Variants in SOX6 observed in about 807,000 individuals in gnomAD.
SOX6 encodes the protein transcription factor SOX-6.
SOX6 carries 11 observed loss-of-function variants against 97.8 expected under a neutral mutation model. The observed-to-expected ratio is 0.11, with a 90% CI of 0.07 to 0.19. The LOEUF is 0.19. Ranked by LOEUF, SOX6 falls within the 10% of genes least tolerant of loss-of-function variation. The pLI, the probability that SOX6 is intolerant of heterozygous loss-of-function variation, is 1.00. For missense variants in SOX6, 810 were observed against 1,039.5 expected, an observed-to-expected ratio of 0.78 and a Z score of 3.04; for synonymous variants, 360 against 371.4, an observed-to-expected ratio of 0.97 and a Z score of 0.35.
rs1855211505 is a variant in SOX6, at chr11:16,300,039, T to G, written c.445+18407A>C. ...TTATGTTGTTTACACTGGAGGCAGT[T>G]TTCCACGAGCACTGCTCAGGGAGGA... On this transcript the variant is annotated intron_variant, in intron 3 of 15. Transcript: ENST00000683767. This position sits in a 1 kb window ranked among gnomAD's most constrained non-coding sequence, Gnocchi z 4.1. 6.6e-6 allele frequency among the ~76,000 whole-genome samples: 1 copy of G among 152,144 alleles called. No individual in the cohort carries two copies. The highest frequency in any genetic ancestry group is 1.5e-5 in the Non-Finnish European group (1 of 68,026).
At chr11:16,488,906 GT>G (rs1860473364) in intron 4 of SOX6, among the ~76,000 whole-genome samples, 1 of 152,116 alleles carries the variant, frequency 6.6e-6, no homozygotes, top group African/African-American at 2.4e-5. Context: ...ATGTGCCCAA[GT>G]TTACAGGCAA....
chr11:16,239,374 T>C (rs1291887205), intron 3 of SOX6, among the ~76,000 whole-genome samples: 2 of 151,938 alleles, frequency 1.3e-5, no homozygotes, highest in Non-Finnish European at 2.9e-5. Flanking sequence ...GGAGTATAAA[T>C]AGAGGCTGTT....
chr11:16,704,425 A>G (rs540911900), intron 3 of SOX6, among the ~76,000 whole-genome samples: 61 of 152,206 alleles, frequency 4.0e-4, no homozygotes, highest in Non-Finnish European at 8.1e-4. Context: ...TTATTAAAAA[A>G]AAAAGTATGT....
At chr11:16,558,881 C>T (rs1055755420) in intron 4 of SOX6, among the ~76,000 whole-genome samples, 5 of 152,042 alleles carry the variant, frequency 3.3e-5, no homozygotes, top group African/African-American at 1.2e-4. Flanking sequence ...TCTCACAGTG[C>T]TTACATTTGC....
At chr11:16,130,549 T>C (rs1849715194) in intron 6 of SOX6, among the ~76,000 whole-genome samples, 2 of 151,920 alleles carry the variant, frequency 1.3e-5, no homozygotes, top group African/African-American at 4.8e-5. Flanking sequence ...AAAGACTCAA[T>C]AGTGTTAAGA....
At chr11:16,652,556 C>T (rs1847668718) in intron 3 of SOX6, among the ~76,000 whole-genome samples, 1 of 152,026 alleles carries the variant, frequency 6.6e-6, no homozygotes, top group Non-Finnish European at 1.5e-5. Flanking sequence ...AATTGGTAAG[C>T]CACATGTAGA....
intron 4 of SOX6, among the ~76,000 whole-genome samples, chr11:16,200,577 A>G (rs16932719): frequency 0.058 from 8,882 of 152,238 alleles, 649 homozygotes; most frequent in East Asian, 0.37. Context: ...TCTAAAATGT[A>G]AATAGGATCC....
At chr11:16,521,058 G>A (rs181320300) in intron 4 of SOX6, among the ~76,000 whole-genome samples, 56 of 152,326 alleles carry the variant, frequency 3.7e-4, no homozygotes, top group East Asian at 2.9e-3. Flanking sequence ...GCAGGGCACC[G>A]ACAAACGAAA....
chr11:16,419,905 T>C (rs909105925), intron 1 of SOX6, among the ~76,000 whole-genome samples: 1 of 152,148 alleles, frequency 6.6e-6, no homozygotes, highest in African/African-American at 2.4e-5. Flanking sequence ...GCAACTCTCT[T>C]TGACTTTAAG....
Position 15,969,647 on chromosome 11 carries a change from A to G in SOX6, c.*3162T>C, listed in dbSNP as rs1173494962. The G allele has an allele frequency of 6.6e-6, 1 of 152,214 alleles. No individual in the cohort carries two copies. Among genetic ancestry groups the G allele is most frequent in the African/African-American group, 2.4e-5 (1 of 41,456 alleles). The allele number at this position is 152,214 out of a possible 1,614,324, so 9.4% of individuals were successfully genotyped here. A position where few individuals can be genotyped will look rare whatever the true frequency, so the allele number is the denominator to read the frequency against. On this transcript the variant is annotated 3_prime_UTR_variant, in exon 16 of 16. Transcript: ENST00000683767. ...TGGATAGAGAACAAAAAGGAAATAC[A>G]TAACTTATATCTCACTAAGTATTCA...
intron 4 of SOX6, among the ~76,000 whole-genome samples, chr11:16,543,402 A>AG (rs1261902897): frequency 3.8e-5 from 5 of 131,268 alleles, no homozygotes; most frequent in Non-Finnish European, 9.1e-5. Context: ...TTTCTAAGCC[A>AG]GTAAAAAAAA....
chr11:16,204,791 T>G (rs1341350764), intron 4 of SOX6, among the ~76,000 whole-genome samples: 1 of 152,070 alleles, frequency 6.6e-6, no homozygotes, highest in African/African-American at 2.4e-5. Flanking sequence ...GTCAAAGAGA[T>G]CATTCAACCC....
intron 4 of SOX6, among the ~76,000 whole-genome samples, chr11:16,501,959 T>C (rs1001447162): frequency 6.6e-6 from 1 of 152,208 alleles, no homozygotes; most frequent in Non-Finnish European, 1.5e-5. Context: ...ATCCCGTTAC[T>C]GGGTATATAC....
rs556036822 is a variant in SOX6, at chr11:16,365,239, C to T, written c.-4-23987G>A. On this transcript the variant is annotated intron_variant, in intron 1 of 15. Transcript: ENST00000396356. ...AGTACTATCTGTGGTTTCAGTCATC[C>T]ACTGAGGGTCTTGAAACACATCCCC... Among the ~76,000 whole-genome samples the T allele has an allele frequency of 2.6e-5, 4 of 151,722 alleles. No homozygotes were observed. In the South Asian group the frequency reaches 8.3e-4, roughly 32 times the overall value.
intron 4 of SOX6, among the ~76,000 whole-genome samples, chr11:16,497,019 C>T (rs1437868668): frequency 2.0e-5 from 3 of 152,174 alleles, no homozygotes; most frequent in Non-Finnish European, 4.4e-5. Flanking sequence ...CAGACTGCCT[C>T]CTAAACTGGG....
At chr11:16,315,652 T>C (rs1855738712) in intron 3 of SOX6, 1 of 152,338 alleles carries the variant, frequency 6.6e-6, no homozygotes, top group South Asian at 2.1e-4. Flanking sequence ...TGTTAGCTAG[T>C]TGGTCTTATC....
chr11:16,306,277 C>G (rs760686020), intron 3 of SOX6, among the ~76,000 whole-genome samples: 11 of 152,056 alleles, frequency 7.2e-5, no homozygotes, highest in Non-Finnish European at 1.3e-4. Flanking sequence ...TCATGTAAAT[C>G]TACAATTGTC....
rs1317120135 is a variant in SOX6, at chr11:16,666,504, C to T, written n.429+48326G>A. Among the ~76,000 whole-genome samples the T allele has an allele frequency of 3.3e-5, 5 of 152,258 alleles. No individual in the cohort carries two copies. In the East Asian group the frequency reaches 5.8e-4, roughly 18 times the overall value. Reference sequence around the variant, plus strand: ...AAGAATTAGTGAGCTTGAAGACAGGCTATTTGAAAATATATAGTCGGCTGG... The same window carrying T: ...AAGAATTAGTGAGCTTGAAGACAGGTTATTTGAAAATATATAGTCGGCTGG... On this transcript the variant is annotated intron_variant and non_coding_transcript_variant, in intron 3 of 5. Transcript: ENST00000524520.
chr11:16,297,262 C>T (rs1036722366), intron 3 of SOX6, among the ~76,000 whole-genome samples: 1 of 152,062 alleles, frequency 6.6e-6, no homozygotes, highest in Non-Finnish European at 1.5e-5. Flanking sequence ...ACCCAAGAAG[C>T]AAGTGTCTAC....
Sources: gnomAD v4.1 joint callset for allele counts (sites outside exome capture counted in the v4.1 genomes callset) on GRCh38, gnomAD v4.1.1 for gene constraint, Gnocchi (gnomAD v3.1) non-coding constraint, MANE v1.5 for transcripts, NCBI Gene and HGNC (gene_info 2026-07-23, HGNC 2026-07-21) for gene names.